The following FHIT variants were observed in gnomAD, a reference collection of about 807,000 sequenced individuals.
The protein encoded by FHIT is fragile histidine triad diadenosine triphosphatase, also known as bis(5'-adenosyl)-triphosphatase.
Under a neutral mutation model 17.9 loss-of-function variants are expected in FHIT, and 19 were observed. The observed-to-expected ratio is 1.06, with a 90% CI of 0.74 to 1.56. The LOEUF is 1.56. Among genes scored for constraint, FHIT ranks in the 40% most tolerant of loss-of-function variants. FHIT has a pLI of 0.00. For missense variants in FHIT, 248 were observed against 189.2 expected, an observed-to-expected ratio of 1.31 and a Z score of -1.82; for synonymous variants, 81 against 69.7, an observed-to-expected ratio of 1.16 and a Z score of -0.81.
rs143673168 is a variant in FHIT, at chr3:60,704,828, A to G, written c.-18+117091T>C. On this transcript the variant is annotated intron_variant, in intron 4 of 9. Coordinates refer to ENST00000492590, the MANE Select transcript of FHIT (RefSeq NM_002012.4). ...GTTAAAACTTACCATCAACTACTTG[A>G]TTCTCTGGAAAACTAACATATTCTT... 7.2e-5 allele frequency among the ~76,000 whole-genome samples: 11 copies of G among 152,176 alleles called. No homozygotes were observed. In the East Asian group the frequency reaches 2.1e-3, roughly 29 times the overall value.
intron 7 of FHIT, among the ~76,000 whole-genome samples, chr3:59,967,016 CCTTTT>C (rs1429493029): frequency 1.3e-5 from 2 of 151,874 alleles, no homozygotes; most frequent in Non-Finnish European, 2.9e-5. Context: ...ATTTTTAAAA[CCTTTT>C]ATTTTTTACT....
At chr3:60,346,349 C>T (rs1576511108) in intron 5 of FHIT, among the ~76,000 whole-genome samples, 1 of 152,140 alleles carries the variant, frequency 6.6e-6, no homozygotes. Flanking sequence ...GCCTATAAAA[C>T]CATTCAATTA....
chr3:60,739,114 A>C (rs1349890659), intron 4 of FHIT, among the ~76,000 whole-genome samples: 1 of 152,106 alleles, frequency 6.6e-6, no homozygotes, highest in Admixed American at 6.5e-5. Flanking sequence ...TTCCCATTCC[A>C]TCCCCCAGCC....
intron 2 of FHIT, among the ~76,000 whole-genome samples, chr3:61,138,688 G>A (rs750196701): frequency 6.6e-5 from 10 of 152,124 alleles, no homozygotes; most frequent in Non-Finnish European, 1.0e-4. Context: ...CTTCTAACTC[G>A]GCTAATGTGG....
chr3:60,185,045 T>C (rs1702100495), intron 5 of FHIT, among the ~76,000 whole-genome samples: 3 of 152,166 alleles, frequency 2.0e-5, no homozygotes, highest in African/African-American at 4.8e-5. Context: ...TGTATATTTC[T>C]TGCTGAAGTC....
intron 3 of FHIT, among the ~76,000 whole-genome samples, chr3:60,986,103 G>A (rs1575798509): frequency 6.6e-6 from 1 of 152,264 alleles, no homozygotes; most frequent in East Asian, 1.9e-4. Context: ...CCCTTAACTT[G>A]ATCATATCTG....
chr3:61,201,470 G>T (rs561873072), intron 1 of FHIT, among the ~76,000 whole-genome samples: 13 of 152,088 alleles, frequency 8.5e-5, no homozygotes, highest in African/African-American at 3.1e-4. Context: ...TTTTGGCTAG[G>T]TCCTAACATC....
chr3:61,122,985 C>T (rs2036502452), intron 2 of FHIT, among the ~76,000 whole-genome samples: 1 of 152,122 alleles, frequency 6.6e-6, no homozygotes, highest in Non-Finnish European at 1.5e-5. Flanking sequence ...CCATCTGACC[C>T]AGCAATCCCA....
At chr3:60,365,400 A>G (rs186420246) in intron 5 of FHIT, among the ~76,000 whole-genome samples, 2 of 152,192 alleles carry the variant, frequency 1.3e-5, no homozygotes, top group East Asian at 1.9e-4. Flanking sequence ...AGTTCATTAT[A>G]TACTCACTGA....
At chr3:59,806,491 T>G (rs1302198965) in intron 8 of FHIT, among the ~76,000 whole-genome samples, 1 of 152,112 alleles carries the variant, frequency 6.6e-6, no homozygotes, top group Non-Finnish European at 1.5e-5. Flanking sequence ...AAACCTTGAA[T>G]GTGGAGCTTC....
At chr3:60,465,502 G>A (rs570453374) in intron 5 of FHIT, among the ~76,000 whole-genome samples, 1 of 151,996 alleles carries the variant, frequency 6.6e-6, no homozygotes, top group Non-Finnish European at 1.5e-5. Context: ...GTGTCTTCTT[G>A]TAGAAGTTTC....
chr3:61,153,978 C>G (rs1276155891), intron 2 of FHIT, among the ~76,000 whole-genome samples: 1 of 152,190 alleles, frequency 6.6e-6, no homozygotes, highest in African/African-American at 2.4e-5. Context: ...TGTATATCTC[C>G]TCACATCAAA....
chr3:60,944,317 G>C (rs1195935981), intron 3 of FHIT, among the ~76,000 whole-genome samples: 1 of 148,288 alleles, frequency 6.7e-6, no homozygotes, highest in Non-Finnish European at 1.5e-5. Context: ...CTTTCCAAAA[G>C]CAGTGCCTGA....
intron 4 of FHIT, among the ~76,000 whole-genome samples, chr3:60,688,438 G>GT (rs575285487): frequency 0.11 from 15,427 of 136,846 alleles, 1,614 homozygotes; most frequent in African/African-American, 0.28. Context: ...TTTTTTTTTT[G>GT]TTTTTTTTTT....
At chr3:60,396,518 T>C (rs1701447922) in intron 5 of FHIT, among the ~76,000 whole-genome samples, 1 of 152,076 alleles carries the variant, frequency 6.6e-6, no homozygotes, top group Non-Finnish European at 1.5e-5. Context: ...TAAATCATAG[T>C]GGCTAAGTGA....
intron 3 of FHIT, among the ~76,000 whole-genome samples, chr3:60,963,953 G>A (rs1206658284): frequency 2.6e-5 from 4 of 152,208 alleles, no homozygotes; most frequent in Non-Finnish European, 5.9e-5. Context: ...AGGTCCACCT[G>A]CTGCAGAGCT....
chr3:60,121,319 T>C (rs1287020188), intron 5 of FHIT, among the ~76,000 whole-genome samples: 1 of 152,150 alleles, frequency 6.6e-6, no homozygotes, highest in African/African-American at 2.4e-5. Context: ...AACAATCCAA[T>C]ATAGTTTCCC....
intron 4 of FHIT, among the ~76,000 whole-genome samples, chr3:60,557,964 T>C (rs1221886043): frequency 6.6e-6 from 1 of 152,048 alleles, no homozygotes; most frequent in African/African-American, 2.4e-5. Flanking sequence ...GGAAGGACCA[T>C]TGCTTTCCAA....
At chr3:60,073,477 T>C (rs534230926) in intron 5 of FHIT, among the ~76,000 whole-genome samples, 24 of 152,228 alleles carry the variant, frequency 1.6e-4, no homozygotes, top group African/African-American at 4.1e-4. Flanking sequence ...TAGGCTCTCA[T>C]AGTACATGCT....
Sources: gnomAD v4.1 joint callset for allele counts (sites outside exome capture counted in the v4.1 genomes callset) on GRCh38, gnomAD v4.1.1 for gene constraint, MANE v1.5 for transcripts, NCBI Gene and HGNC (gene_info 2026-07-23, HGNC 2026-07-21) for gene names.